The following LAMA2 variants were observed in gnomAD, a reference collection of about 807,000 sequenced individuals.
LAMA2 encodes laminin subunit alpha 2.
Under a neutral mutation model 364.8 loss-of-function variants are expected in LAMA2, and 269 were observed. The observed-to-expected ratio is 0.74, with a 90% confidence interval of 0.67 to 0.82. The LOEUF (loss-of-function observed/expected upper bound fraction) is 0.82. Ranked by LOEUF, LAMA2 falls within the 40% of genes least tolerant of loss-of-function variation. LAMA2 has a pLI of 0.00. For missense variants in LAMA2, 3,807 were observed against 3,873.2 expected, an observed-to-expected ratio of 0.98 and a Z score of 0.45; for synonymous variants, 1,379 against 1,370.6, an observed-to-expected ratio of 1.01 and a Z score of -0.14.
At chr6:129,011,145 C>T (rs1461771403) in intron 1 of LAMA2, among the ~76,000 whole-genome samples, 1 of 152,068 alleles carries the variant, frequency 6.6e-6, no homozygotes, top group Non-Finnish European at 1.5e-5. Context: ...CCCATTTATC[C>T]ATGTGGAGAA....
At chr6:128,966,533 A>G (rs1234168063) in intron 1 of LAMA2, among the ~76,000 whole-genome samples, 1 of 151,754 alleles carries the variant, frequency 6.6e-6, no homozygotes, top group Non-Finnish European at 1.5e-5. Flanking sequence ...ATTTAAACTC[A>G]AGGGATTTTC....
intron 45 of LAMA2, among the ~76,000 whole-genome samples, chr6:129,446,261 A>G (rs901152746): frequency 4.0e-5 from 6 of 151,692 alleles, no homozygotes; most frequent in South Asian, 2.1e-4. Context: ...AACATTTTAC[A>G]TATATATTCT....
chr6:129,449,198 G>A (rs1477168261), intron 45 of LAMA2, among the ~76,000 whole-genome samples: 1 of 152,200 alleles, frequency 6.6e-6, no homozygotes, highest in Non-Finnish European at 1.5e-5. Flanking sequence ...ATGTGTGAGA[G>A]CTGGGCAATA....
At chr6:129,111,656 C>T (rs1776163007) in intron 4 of LAMA2, among the ~76,000 whole-genome samples, 1 of 151,902 alleles carries the variant, frequency 6.6e-6, no homozygotes, top group Admixed American at 6.6e-5. Context: ...CAGATGCACA[C>T]AGTATTTTAG....
chr6:129,442,143 C>T, intron 43 of LAMA2: 1 of 1,131,108 alleles, frequency 8.8e-7, no homozygotes, highest in Non-Finnish European at 1.2e-6. Context: ...AACAAAAGCA[C>T]TGTAATTGGT....
At chr6:129,096,626 C>A (rs1435951867) in intron 3 of LAMA2, among the ~76,000 whole-genome samples, 1 of 152,186 alleles carries the variant, frequency 6.6e-6, no homozygotes, top group Non-Finnish European at 1.5e-5. Context: ...GGACAAATAT[C>A]TTGGCTGTCC....
rs375987674 is a variant in LAMA2 at position 129,475,460 on chromosome 6, C to A, written c.7451+59C>A. ...TGCATGGGTTGGGTAAATGTGGCTT[C>A]TTAGATAAAGCAGCCGTGCAGAAGC... On this transcript the variant is annotated intron_variant, in intron 53 of 64. Transcript: ENST00000421865. 66 of 1,338,050 alleles carry A rather than the reference C, an allele frequency of 4.9e-5. No individual in the cohort carries two copies. In the African/African-American group the frequency reaches 9.5e-4, roughly 19 times the overall value. 82.9% of individuals were successfully genotyped at this position (1,338,050 alleles called of 1,614,324 possible).
At chr6:129,093,142 C>A (rs1229073259) in intron 3 of LAMA2, among the ~76,000 whole-genome samples, 1 of 151,488 alleles carries the variant, frequency 6.6e-6, no homozygotes, top group African/African-American at 2.4e-5. Context: ...ACCACCACCC[C>A]CGACTAATTT....
intron 34 of LAMA2, among the ~76,000 whole-genome samples, chr6:129,370,784 G>A (rs1448802889): frequency 6.6e-6 from 1 of 152,186 alleles, no homozygotes; most frequent in African/African-American, 2.4e-5. Flanking sequence ...ATTAACAATG[G>A]CCATACAATT....
intron 43 of LAMA2, among the ~76,000 whole-genome samples, chr6:129,441,402 A>G (rs959298121): frequency 6.6e-6 from 1 of 152,162 alleles, no homozygotes; most frequent in Non-Finnish European, 1.5e-5. Flanking sequence ...ACTTGTTAGA[A>G]CAGGATATGA....
chr6:129,093,324 A>T (rs1774966583), intron 3 of LAMA2, among the ~76,000 whole-genome samples: 2 of 151,704 alleles, frequency 1.3e-5, no homozygotes, highest in Non-Finnish European at 2.9e-5. Flanking sequence ...AAGACTTAGC[A>T]ATGCATGTTC....
rs929296508 is a variant in LAMA2, at chr6:128,960,659, C to T, written c.112+77302C>T. On this transcript the variant is annotated intron_variant, in intron 1 of 64. Coordinates refer to ENST00000421865, the MANE Select transcript of LAMA2 (RefSeq NM_000426.4). Reference sequence around the variant, plus strand: ...ACAGGCGTGAGCCACCACGCCCAGCCGATTTCTCTTTTCTTTTATTTCCTT... The same window carrying T: ...ACAGGCGTGAGCCACCACGCCCAGCTGATTTCTCTTTTCTTTTATTTCCTT... Among the ~76,000 whole-genome samples the T allele has an allele frequency of 2.0e-5, 3 of 152,142 alleles. 1 individual carries two copies. The highest frequency in any genetic ancestry group is 2.9e-5 in the Non-Finnish European group (2 of 68,020).
intron 14 of LAMA2, among the ~76,000 whole-genome samples, chr6:129,256,937 A>T (rs1786735145): frequency 6.6e-6 from 1 of 151,268 alleles, no homozygotes; most frequent in Non-Finnish European, 1.5e-5. Flanking sequence ...AATATTGAGA[A>T]CAATCTTTAA....
Position 129,465,179 on chromosome 6 carries a change from A to C in LAMA2, c.7190A>C (p.His2397Pro), listed in dbSNP as rs751993443. Residue 2397 changes from histidine (H) to proline (P), a missense_variant, in exon 51 of 65, where the codon CAC (histidine) becomes CCC (proline). This residue lies in a region of LAMA2 where 3,333 missense variants were observed against 3,345.7 expected (regional missense o/e 1.00). Transcript: ENST00000421865. ...ATGAGTGTGGAGCTCACTGATGGGC[A>C]CATAAAAGTCAGTTACGATCTGGGC... Reference protein sequence around the residue: ...DFMSVELTDGHIKVSYDLGSG... With the variant: ...DFMSVELTDGPIKVSYDLGSG... The C allele has an allele frequency of 1.2e-6, 2 of 1,611,192 alleles. No individual in the cohort carries two copies. The highest frequency in any genetic ancestry group is 2.2e-5 in the South Asian group (2 of 91,044).
At position 128,916,728 on chromosome 6, in the gene LAMA2, C is replaced by T. The variant is rs139280910; in HGVS notation, c.112+33371C>T. On this transcript the variant is annotated intron_variant, in intron 1 of 64. Coordinates refer to ENST00000421865, the MANE Select transcript of LAMA2 (RefSeq NM_000426.4). ...TCTGAGAAGCATTTGATGTTGGCAG[C>T]AGTGGCTGTGAGGTTAGCCCATGAA... is the stretch of plus-strand genomic sequence containing the variant. Among the ~76,000 whole-genome samples the T allele has an allele frequency of 9.5e-3, 1,447 of 152,334 alleles. 17 individuals are homozygous for T. The highest frequency in any genetic ancestry group is 0.015 in the Non-Finnish European group (1,014 of 68,032).
At chr6:128,935,615 G>A (rs947376030) in intron 1 of LAMA2, among the ~76,000 whole-genome samples, 1 of 152,108 alleles carries the variant, frequency 6.6e-6, no homozygotes, top group East Asian at 1.9e-4. Flanking sequence ...ATAGATGCAC[G>A]ACTGATTTTC....
intron 1 of LAMA2, among the ~76,000 whole-genome samples, chr6:129,015,461 AG>A (rs1388429597): frequency 6.6e-6 from 1 of 152,144 alleles, no homozygotes; most frequent in Non-Finnish European, 1.5e-5. Flanking sequence ...TACTTAGTAA[AG>A]TAATATCCAC....
intron 60 of LAMA2, among the ~76,000 whole-genome samples, chr6:129,503,963 A>G (rs1785854433): frequency 6.6e-6 from 1 of 152,270 alleles, no homozygotes; most frequent in African/African-American, 2.4e-5. Context: ...GACTGCAAAT[A>G]GATAATATAC....
Position 129,313,052 on chromosome 6 carries a change from T to TA in LAMA2, c.3372dup (p.Cys1125MetfsTer4), listed in dbSNP as rs1361925574. On this transcript the variant is annotated frameshift_variant, in exon 23 of 65. Coordinates refer to ENST00000421865, the MANE Select transcript of LAMA2 (RefSeq NM_000426.4). LOFTEE classifies it high-confidence loss of function. ...ATGCCACAACCTGTGATTCAGAGAC[T>TA]AAAAAATGCTCCTGTAGTGATCAAA... 2 of 1,613,976 alleles carry TA rather than the reference T, an allele frequency of 1.2e-6. No individual in the cohort carries two copies. The highest frequency in any genetic ancestry group is 1.7e-4 in the Middle Eastern group (1 of 6,060).
Sources: allele counts gnomAD v4.1 joint callset (sites outside exome capture counted in the v4.1 genomes callset), GRCh38; gene constraint gnomAD v4.1.1; regional missense constraint gnomAD v4.1.1; transcripts MANE v1.5; gene names NCBI Gene and HGNC (gene_info 2026-07-23, HGNC 2026-07-21).